The following FLT3 variants were observed in gnomAD, a reference collection of about 807,000 sequenced individuals.
The protein encoded by FLT3 is receptor-type tyrosine-protein kinase FLT3.
FLT3 carries 46 observed loss-of-function variants against 126.6 expected under a neutral mutation model. The ratio of observed to expected loss-of-function variants is 0.36; its 90% confidence interval spans 0.29 to 0.46. FLT3 has a LOEUF of 0.46. Ranked by LOEUF, FLT3 falls within the 20% of genes least tolerant of loss-of-function variation. The pLI, the probability that FLT3 is intolerant of heterozygous loss-of-function variation, is 1.00. For missense variants in FLT3, 1,069 were observed against 1,190.3 expected (o/e 0.90, Z 1.50); for synonymous variants, 404 against 434.4 (o/e 0.93, Z 0.87).
Position 28,047,522 on chromosome 13 carries a change from G to A in FLT3, c.1205+753C>T, listed in dbSNP as rs555823799. ...GCTCAAGAGTCCGAGACCAGCCTGC[G>A]CAACATGGCAAAACCCTGTCTCTAC... On this transcript the variant is annotated intron_variant, in intron 9 of 23. Transcript: ENST00000241453. Among the ~76,000 whole-genome samples, 45 of 151,958 alleles carry A rather than the reference G, an allele frequency of 3.0e-4. No homozygotes were observed. In the South Asian group the frequency reaches 3.1e-3, roughly 11 times the overall value.
intron 1 of FLT3, among the ~76,000 whole-genome samples, chr13:28,075,697 C>A (rs1877881744): frequency 6.6e-6 from 1 of 150,712 alleles, no homozygotes; most frequent in Non-Finnish European, 1.5e-5. Context: ...TGCACTCTAG[C>A]CTGGGCAACA....
At chr13:28,046,272 C>A (rs979258826) in intron 9 of FLT3, among the ~76,000 whole-genome samples, 1 of 152,146 alleles carries the variant, frequency 6.6e-6, no homozygotes, top group African/African-American at 2.4e-5. Context: ...TCCATGCAAA[C>A]CCTGCACTGA....
chr13:28,034,485 T>A (rs1873654513), intron 12 of FLT3, 78 bp from the exon 13 acceptor site: 2 of 1,002,318 alleles, frequency 2.0e-6, no homozygotes, highest in Admixed American at 3.7e-5. Flanking sequence ...CTCATTATAA[T>A]CTCTCACATC....
Position 28,049,463 on chromosome 13 carries a change from T to C in FLT3, c.957A>G (p.Ser319=), listed in dbSNP as rs546408264. ...MIRILFAFVS[S]VARNDTGYYT... is the part of the protein sequence containing the mutation. ...AGTATCCGGTGTCGTTTCTTGCCAC[T>C]GATGATACAAAAGCAAACAGAATCC... Residue 319 remains serine, a synonymous_variant, in exon 8 of 24, where the codon TCA becomes TCG. Coordinates refer to ENST00000241453, the MANE Select transcript of FLT3 (RefSeq NM_004119.3). 5 of 1,613,518 alleles carry C rather than the reference T, an allele frequency of 3.1e-6. No homozygotes were observed. The Admixed American group carries it at 5.0e-5, about 16-fold the overall frequency.
At chr13:28,094,973 A>G (rs1183263028) in intron 1 of FLT3, among the ~76,000 whole-genome samples, 1 of 152,226 alleles carries the variant, frequency 6.6e-6, no homozygotes, top group Non-Finnish European at 1.5e-5. Context: ...TCACTTAGGT[A>G]TAAAACTCGC....
intron 23 of FLT3, among the ~76,000 whole-genome samples, chr13:28,008,275 C>CAAAAAAAA (rs11409962): frequency 1.1e-5 from 1 of 87,108 alleles, no homozygotes; most frequent in African/African-American, 4.7e-5. Flanking sequence ...GAACCTGTCT[C>CAAAAAAAA]AAAAAAAAAA....
Position 28,070,481 on chromosome 13 carries a change from GT to G in FLT3, c.165+9del. On this transcript the variant is annotated intron_variant, in intron 2 of 23. Transcript: ENST00000241453. ...AAACAGCTAAAGGTATAATTTTAATGTTACTTTACCATGGGATATGATGATG... is the reference window on the plus strand; with the variant it reads ...AAACAGCTAAAGGTATAATTTTAATGTACTTTACCATGGGATATGATGATG... 1 of 1,604,762 alleles carries G rather than the reference GT, an allele frequency of 6.2e-7. No homozygotes were observed. Among genetic ancestry groups the G allele is most frequent in the Non-Finnish European group, 8.5e-7 (1 of 1,174,772 alleles).
intron 1 of FLT3, among the ~76,000 whole-genome samples, chr13:28,096,803 A>G (rs1373399108): frequency 2.0e-5 from 3 of 152,184 alleles, no homozygotes; most frequent in Admixed American, 6.5e-5. Context: ...AAAAGAAAGC[A>G]TACTGAAATA....
At chr13:28,049,351 A>T in intron 8 of FLT3, 33 bp downstream of exon 8, 1 of 1,590,270 alleles carries the variant, frequency 6.3e-7, no homozygotes, top group African/African-American at 1.3e-5. Flanking sequence ...GACTAAAAAT[A>T]GGAATAAAGA....
intron 4 of FLT3, among the ~76,000 whole-genome samples, chr13:28,056,436 C>G (rs1302442241): frequency 3.9e-5 from 6 of 152,274 alleles, no homozygotes; most frequent in East Asian, 3.9e-4. Flanking sequence ...TGATATTAAC[C>G]CAGGGTTTTT....
At chr13:28,013,819 A>G (rs1871599113) in intron 23 of FLT3, among the ~76,000 whole-genome samples, 2 of 152,230 alleles carry the variant, frequency 1.3e-5, no homozygotes, top group Non-Finnish European at 1.5e-5. Flanking sequence ...CTCATGCTTC[A>G]TAAGAAAGGG....
intron 9 of FLT3, among the ~76,000 whole-genome samples, chr13:28,045,427 C>T (rs1358164587): frequency 2.0e-5 from 3 of 152,188 alleles, no homozygotes; most frequent in Non-Finnish European, 4.4e-5. Flanking sequence ...TCCCATAATG[C>T]TAAGAGCTTA....
At chr13:28,033,756 A>G (rs1873567679) in intron 15 of FLT3, 131 bp downstream of exon 15, 6 of 719,414 alleles carry the variant, frequency 8.3e-6, no homozygotes, top group Non-Finnish European at 1.5e-5. Context: ...ACCCCAATCC[A>G]CTCCATTTTT....
intron 1 of FLT3, among the ~76,000 whole-genome samples, chr13:28,077,124 AAAAG>A (rs1878001824): frequency 4.7e-5 from 3 of 63,358 alleles, no homozygotes; most frequent in South Asian, 2.2e-3. Flanking sequence ...AAAGAAAGAG[AAAAG>A]AAAGAAAGAA....
chr13:28,064,720 G>T (rs1876865707), intron 2 of FLT3, among the ~76,000 whole-genome samples: 1 of 152,084 alleles, frequency 6.6e-6, no homozygotes, highest in Admixed American at 6.6e-5. Flanking sequence ...AACACATTTT[G>T]TCGGTGAGGC....
rs1555262387 is a variant in FLT3 at position 28,084,487 on chromosome 13, TG to T, written c.44-13876del. Among the ~76,000 whole-genome samples the T allele has an allele frequency of 2.0e-5, 3 of 152,124 alleles. 1 individual carries two copies. The highest frequency in any genetic ancestry group is 4.4e-5 in the Non-Finnish European group (3 of 68,028). ...CTCCCACCTCAGCCTCCTGTGTAGC[TG>T]GGAGTACAGGCAAATGCCACCAACC... is the stretch of plus-strand genomic sequence containing the variant. On this transcript the variant is annotated intron_variant, in intron 1 of 23. Coordinates refer to ENST00000241453, the MANE Select transcript of FLT3 (RefSeq NM_004119.3).
rs1221940258 is a variant in FLT3, at chr13:28,003,425, CCT to C, written c.*625_*626del. 2 of 233,884 alleles carry C rather than the reference CCT, an allele frequency of 8.6e-6. No homozygotes were observed. Among genetic ancestry groups the C allele is most frequent in the African/African-American group, 2.2e-5 (1 of 45,322 alleles). The allele number at this position is 233,884 out of a possible 1,614,324, so 14.5% of individuals were successfully genotyped here. Reference sequence around the variant, plus strand: ...ATTATAAACTTCCCCCAATACAACCCCTGTTGTTGCAGAAATCTTAGGCTGTG... The same window carrying C: ...ATTATAAACTTCCCCCAATACAACCCGTTGTTGCAGAAATCTTAGGCTGTG... On this transcript the variant is annotated 3_prime_UTR_variant, in exon 24 of 24. Transcript: ENST00000241453.
In FLT3 at chr13:28,056,693, T is replaced by G. The variant is rs372765330; in HGVS notation, c.484+654A>C. Among the ~76,000 whole-genome samples the G allele has an allele frequency of 2.0e-5, 3 of 152,304 alleles. No individual in the cohort carries two copies. In the East Asian group the frequency reaches 5.8e-4, roughly 29 times the overall value. ...CAGTTTGCATATGGTCTAGCACGCA[T>G]GTGGGCCCGCGCTGTCCAACACAGT... On this transcript the variant is annotated intron_variant, in intron 4 of 23. Coordinates refer to ENST00000241453, the MANE Select transcript of FLT3 (RefSeq NM_004119.3).
chr13:28,029,563 T>C lies in FLT3; in HGVS notation c.1943-1275A>G, dbSNP rs143207503. ...ACATGCTTTTCCTCCTCAGTACAAG[T>C]TAACAGAAGGGAGAAACGTCCTTTT... On this transcript the variant is annotated intron_variant, in intron 15 of 23. Transcript: ENST00000241453. Among the ~76,000 whole-genome samples the C allele has an allele frequency of 5.9e-5, 9 of 152,334 alleles. No homozygotes were observed. The East Asian group carries it at 1.5e-3, about 26-fold the overall frequency.
Sources: allele counts gnomAD v4.1 joint callset (sites outside exome capture counted in the v4.1 genomes callset), GRCh38; gene constraint gnomAD v4.1.1; transcripts MANE v1.5; gene names NCBI Gene and HGNC (gene_info 2026-07-23, HGNC 2026-07-21).